Variants in HECW2 observed in about 807,000 individuals in gnomAD.
HECW2 encodes the protein E3 ubiquitin-protein ligase HECW2.
A neutral mutation model predicts 175.2 loss-of-function variants in HECW2; 61 were observed. The observed-to-expected ratio is 0.35, with a 90% CI of 0.28 to 0.43. The LOEUF (loss-of-function observed/expected upper bound fraction) is 0.43, where lower values mean the gene tolerates loss of function less well. Among genes scored for constraint, HECW2 ranks in the 20% least tolerant of loss-of-function variants. The pLI, the probability that HECW2 is intolerant of heterozygous loss-of-function variation, is 1.00. For missense variants in HECW2, 1,524 were observed against 2,000.5 expected (o/e 0.76, Z 4.54); for synonymous variants, 671 against 731.0 (o/e 0.92, Z 1.32).
chr2:196,293,015 T>C (rs1690662112), intron 13 of HECW2, among the ~76,000 whole-genome samples: 1 of 152,244 alleles, frequency 6.6e-6, no homozygotes, highest in African/African-American at 2.4e-5. Context: ...TTTGAAGTTC[T>C]GGGGTACATG....
chr2:196,591,461 A>G (rs976886965), intron 1 of HECW2, among the ~76,000 whole-genome samples: 1 of 152,264 alleles, frequency 6.6e-6, no homozygotes, highest in Non-Finnish European at 1.5e-5. Context: ...TTGTTAATAA[A>G]CTGCTTCACA....
At chr2:196,276,826 A>G (rs1264788663) in intron 15 of HECW2, among the ~76,000 whole-genome samples, 1 of 152,232 alleles carries the variant, frequency 6.6e-6, no homozygotes, top group Admixed American at 6.5e-5. Flanking sequence ...CAGCAAACAC[A>G]TGATGCATTG....
At chr2:196,499,308 TAA>T (rs113064018) in intron 1 of HECW2, among the ~76,000 whole-genome samples, 5 of 134,538 alleles carry the variant, frequency 3.7e-5, no homozygotes, top group African/African-American at 5.4e-5. Flanking sequence ...ACAAACTTCT[TAA>T]AAAAAAAAAA....
At chr2:196,530,389 T>C (rs1688801590) in intron 1 of HECW2, among the ~76,000 whole-genome samples, 1 of 152,214 alleles carries the variant, frequency 6.6e-6, no homozygotes, top group South Asian at 2.1e-4. Flanking sequence ...CTACTAATTA[T>C]ATTATGCCTA....
In HECW2 at chr2:196,195,776, A is replaced by T. The variant is rs1047232900; in HGVS notation, c.*5501T>A. 3.9e-5 allele frequency: 6 copies of T among 152,246 alleles called. No homozygotes were observed. Among genetic ancestry groups the T allele is most frequent in the Non-Finnish European group, 5.9e-5 (4 of 68,040 alleles). 9.4% of individuals were successfully genotyped at this position (152,246 alleles called of 1,614,324 possible). A position where few individuals can be genotyped will look rare whatever the true frequency, so the allele number is the denominator to read the frequency against. On this transcript the variant is annotated 3_prime_UTR_variant, in exon 29 of 29. Coordinates refer to ENST00000644978, the MANE Select transcript of HECW2 (RefSeq NM_001348768.2). ...ATAATAGTAACAATAATTCTTAAAT[A>T]AAAAAATCCACAACATAATTTTATG... is the stretch of plus-strand genomic sequence containing the variant.
chr2:196,544,652 C>G (rs756465449), intron 1 of HECW2, among the ~76,000 whole-genome samples: 2 of 152,190 alleles, frequency 1.3e-5, no homozygotes, highest in African/African-American at 2.4e-5. Flanking sequence ...TCGCAGACAG[C>G]AAGTCAAATC....
intron 6 of HECW2, among the ~76,000 whole-genome samples, chr2:196,323,809 C>T (rs1238680174): frequency 4.0e-5 from 6 of 151,232 alleles, no homozygotes; most frequent in Admixed American, 4.0e-4. Context: ...ATTATCATAT[C>T]TATTATGTGC....
chr2:196,476,943 T>A (rs1351759224), intron 1 of HECW2, among the ~76,000 whole-genome samples: 1 of 54,560 alleles, frequency 1.8e-5, no homozygotes, highest in Non-Finnish European at 2.9e-5. Flanking sequence ...AGACCCCATC[T>A]CCACAAAAAA....
intron 28 of HECW2, among the ~76,000 whole-genome samples, chr2:196,202,121 C>T (rs1686880145): frequency 6.6e-6 from 1 of 152,088 alleles, no homozygotes; most frequent in South Asian, 2.1e-4. Flanking sequence ...CCAAATAGTA[C>T]ATCTTATCAG....
intron 28 of HECW2, among the ~76,000 whole-genome samples, chr2:196,211,276 T>C (rs1687274986): frequency 6.6e-6 from 1 of 152,204 alleles, no homozygotes; most frequent in Non-Finnish European, 1.5e-5. Flanking sequence ...GCTGGCATCT[T>C]AGCAGCGCAT....
intron 3 of HECW2, among the ~76,000 whole-genome samples, chr2:196,341,478 G>A (rs566484294): frequency 1.3e-5 from 2 of 152,114 alleles, no homozygotes; most frequent in South Asian, 4.1e-4. Flanking sequence ...TTAGATAGTC[G>A]TGCCAGCTGG....
intron 1 of HECW2, among the ~76,000 whole-genome samples, chr2:196,555,165 A>G (rs1689752067): frequency 1.3e-5 from 2 of 152,220 alleles, no homozygotes; most frequent in South Asian, 4.1e-4. Flanking sequence ...TTGGACTGCT[A>G]TAACAAATAC....
intron 2 of HECW2, among the ~76,000 whole-genome samples, chr2:196,385,207 T>C (rs1037779397): frequency 1.3e-5 from 2 of 152,162 alleles, no homozygotes; most frequent in African/African-American, 4.8e-5. Flanking sequence ...CCATTGTGCC[T>C]GGTCTGATGG....
In HECW2 at chr2:196,367,610, T is replaced by C. The variant is rs1693780224; in HGVS notation, c.293-23846A>G. On this transcript the variant is annotated intron_variant, in intron 2 of 28. Transcript: ENST00000644978. The stretch of plus-strand genomic sequence containing the variant: ...CATTCTATCTAACCATATTTTTTTA[T>C]ACATAAACCATCTGCACTTCCCCCG... Among the ~76,000 whole-genome samples, 2 of 152,140 alleles carry C rather than the reference T, an allele frequency of 1.3e-5. 1 individual carries two copies. Among genetic ancestry groups the C allele is most frequent in the South Asian group, 4.1e-4 (2 of 4,828 alleles).
intron 3 of HECW2, among the ~76,000 whole-genome samples, chr2:196,335,650 G>T (rs1040127470): frequency 6.6e-6 from 1 of 151,948 alleles, no homozygotes; most frequent in African/African-American, 2.4e-5. Context: ...CCTCTTCCAG[G>T]AATTTATATC....
chr2:196,377,110 C>A (rs1226615979), intron 2 of HECW2, among the ~76,000 whole-genome samples: 2 of 152,010 alleles, frequency 1.3e-5, no homozygotes, highest in African/African-American at 4.8e-5. Context: ...AAAGAGAAAC[C>A]AGGTTGGCCA....
Position 196,319,455 on chromosome 2 carries a change from G to A in HECW2, c.1435C>T (p.Pro479Ser). Residue 479 changes from proline to serine, a missense_variant, in exon 9 of 29, where the codon CCA becomes TCA. Coordinates refer to ENST00000644978, the MANE Select transcript of HECW2 (RefSeq NM_001348768.2). Reference sequence around the variant, plus strand: ...CCTCCCTCCTCCTCCAAGGAAGATGGGTAACCCAGGTCTTGCTGGAACTCG... The same window carrying A: ...CCTCCCTCCTCCTCCAAGGAAGATGAGTAACCCAGGTCTTGCTGGAACTCG... ...DHEFQQDLGY[P>S]SSLEEEGGLI... 2 of 1,613,990 alleles carry A rather than the reference G, an allele frequency of 1.2e-6. No homozygotes were observed. Among genetic ancestry groups the A allele is most frequent in the East Asian group, 4.5e-5 (2 of 44,878 alleles).
chr2:196,588,632 T>C (rs2125537824), intron 1 of HECW2, among the ~76,000 whole-genome samples: 1 of 152,346 alleles, frequency 6.6e-6, no homozygotes, highest in South Asian at 2.1e-4. Context: ...AGATACATTA[T>C]CAATGTTTAT....
chr2:196,392,162 C>A (rs987550039), intron 2 of HECW2, among the ~76,000 whole-genome samples: 5 of 152,130 alleles, frequency 3.3e-5, no homozygotes, highest in Non-Finnish European at 7.4e-5. Flanking sequence ...TAGATTCAAT[C>A]CCTTTATCTG....
Sources: gnomAD v4.1 joint callset for allele counts (sites outside exome capture counted in the v4.1 genomes callset) on GRCh38, gnomAD v4.1.1 for gene constraint, MANE v1.5 for transcripts, NCBI Gene and HGNC (gene_info 2026-07-23, HGNC 2026-07-21) for gene names.